Variants in PDE4D observed in about 807,000 individuals in gnomAD.
PDE4D encodes 3',5'-cyclic-AMP phosphodiesterase 4D.
PDE4D carries 24 observed loss-of-function variants against 87.4 expected under a neutral mutation model. The ratio of observed to expected loss-of-function variants is 0.27; its 90% CI spans 0.20 to 0.39. The LOEUF (loss-of-function observed/expected upper bound fraction) is 0.39, where lower values mean the gene tolerates loss of function less well. Ranked by LOEUF, PDE4D falls within the 10% of genes least tolerant of loss-of-function variation. The probability of loss-of-function intolerance (pLI) is 1.00; values close to 1 mark genes in which losing one functional copy is unlikely to be tolerated. For missense variants in PDE4D, 714 were observed against 1,041.0 expected (o/e 0.69, Z 4.32); for synonymous variants, 384 against 383.2 (o/e 1.00, Z -0.02).
intron 1 of PDE4D, among the ~76,000 whole-genome samples, chr5:59,794,679 A>C (rs1235159886): frequency 6.6e-6 from 1 of 152,204 alleles, no homozygotes; most frequent in African/African-American, 2.4e-5. Flanking sequence ...TCAAGTGAAA[A>C]TATAATAAAA....
intron 1 of PDE4D, among the ~76,000 whole-genome samples, chr5:59,740,680 C>T (rs1433583077): frequency 1.3e-5 from 2 of 152,126 alleles, no homozygotes; most frequent in Admixed American, 6.5e-5. Context: ...GATAATGATG[C>T]TTCAGCAATC....
chr5:60,211,494 T>C (rs145951488), intron 1 of PDE4D, among the ~76,000 whole-genome samples: 2,130 of 149,270 alleles, frequency 0.014, 66 homozygotes, highest in African/African-American at 0.049. Context: ...TATACAAATA[T>C]ATATATAGAT....
At chr5:59,531,648 C>T (rs11949561) in intron 1 of PDE4D, among the ~76,000 whole-genome samples, 28,817 of 152,092 alleles carry the variant, frequency 0.19, 3,364 homozygotes, top group Non-Finnish European at 0.26. Flanking sequence ...CATTCCTTGG[C>T]TCCAGGCCCC....
At chr5:59,784,252 T>TTA (rs369701589) in intron 1 of PDE4D, among the ~76,000 whole-genome samples, 34 of 142,426 alleles carry the variant, frequency 2.4e-4, no homozygotes, top group South Asian at 8.9e-4. Flanking sequence ...TTTTTTTTTT[T>TTA]AAAAAAAAAA....
intron 2 of PDE4D, among the ~76,000 whole-genome samples, chr5:60,093,985 T>C (rs1241778410): frequency 6.6e-6 from 1 of 152,214 alleles, no homozygotes; most frequent in Non-Finnish European, 1.5e-5. Context: ...TAAACTTTCT[T>C]CAGTGATCAC....
intron 1 of PDE4D, among the ~76,000 whole-genome samples, chr5:60,352,032 T>C (rs1453201236): frequency 6.6e-6 from 1 of 151,184 alleles, no homozygotes; most frequent in Non-Finnish European, 1.5e-5. Context: ...TTCAAACTCC[T>C]GGCCTCAAGT....
At chr5:60,442,085 A>G (rs1223337832) in intron 1 of PDE4D, among the ~76,000 whole-genome samples, 1 of 152,216 alleles carries the variant, frequency 6.6e-6, no homozygotes, top group African/African-American at 2.4e-5. Context: ...CATTCCTATT[A>G]CTGGGTATAT....
chr5:59,355,961 C>T (rs1781312226), intron 1 of PDE4D, among the ~76,000 whole-genome samples: 1 of 152,060 alleles, frequency 6.6e-6, no homozygotes, highest in South Asian at 2.1e-4. Flanking sequence ...GACCTTATAT[C>T]CAAAATTTTG....
chr5:59,328,214 G>A (rs575990485), intron 1 of PDE4D, among the ~76,000 whole-genome samples: 1 of 152,308 alleles, frequency 6.6e-6, no homozygotes, highest in East Asian at 1.9e-4. Context: ...GTCTGACACT[G>A]CCATTTACTA....
chr5:59,295,496 G>C (rs1768886791), intron 1 of PDE4D, among the ~76,000 whole-genome samples: 1 of 152,060 alleles, frequency 6.6e-6, no homozygotes, highest in Non-Finnish European at 1.5e-5. Context: ...AGGTTATCCA[G>C]GTAGCTCTTC....
intron 3 of PDE4D, among the ~76,000 whole-genome samples, chr5:59,933,607 T>C (rs1024778153): frequency 4.6e-5 from 7 of 152,170 alleles, no homozygotes; most frequent in African/African-American, 1.7e-4. Context: ...ATTTGATAGG[T>C]CAGGAAACAG....
intron 1 of PDE4D, among the ~76,000 whole-genome samples, chr5:59,711,408 T>A (rs560846819): frequency 3.9e-5 from 6 of 152,150 alleles, no homozygotes; most frequent in African/African-American, 7.2e-5. Context: ...TTAAAAAAAA[T>A]AATATATCCA....
intron 1 of PDE4D, among the ~76,000 whole-genome samples, chr5:60,438,541 C>T (rs789395): frequency 0.41 from 62,920 of 151,830 alleles, 14,288 homozygotes; most frequent in East Asian, 0.59. Context: ...CTGGCATATA[C>T]ATGCTTCAAT....
intron 1 of PDE4D, among the ~76,000 whole-genome samples, chr5:59,401,399 C>G (rs967571261): frequency 6.6e-6 from 1 of 152,212 alleles, no homozygotes; most frequent in African/African-American, 2.4e-5. Context: ...CACTGCACTC[C>G]AGCCTGGGCA....
At chr5:59,893,995 G>A (rs972029610), upstream of PDE4D, among the ~76,000 whole-genome samples, 2 of 152,072 alleles carry the variant, frequency 1.3e-5, no homozygotes, top group Non-Finnish European at 2.9e-5. Context: ...TCAGCAACTC[G>A]GGCTGCAGAA....
chr5:59,968,807 T>C (rs968376128), intron 3 of PDE4D, among the ~76,000 whole-genome samples: 1 of 152,126 alleles, frequency 6.6e-6, no homozygotes, highest in Non-Finnish European at 1.5e-5. Flanking sequence ...AATAAGATAA[T>C]AATGGTACCT....
chr5:59,536,397 C>T (rs1404213457), intron 1 of PDE4D, among the ~76,000 whole-genome samples: 2 of 148,650 alleles, frequency 1.3e-5, no homozygotes, highest in East Asian at 2.2e-4. Context: ...CCCAGCTACT[C>T]GGGAGGCTGA....
intron 1 of PDE4D, among the ~76,000 whole-genome samples, chr5:60,245,710 T>C (rs931572502): frequency 2.6e-5 from 4 of 151,936 alleles, no homozygotes; most frequent in Non-Finnish European, 5.9e-5. Flanking sequence ...CACTTATTTG[T>C]GGGAGCTAAA....
At chr5:59,409,179 C>G (rs1226365130) in intron 1 of PDE4D, among the ~76,000 whole-genome samples, 1 of 151,914 alleles carries the variant, frequency 6.6e-6, no homozygotes, top group African/African-American at 2.4e-5. Flanking sequence ...GAATGTTTAC[C>G]CAATGCCTGT....
Sources: gnomAD v4.1 joint callset for allele counts (sites outside exome capture counted in the v4.1 genomes callset) on GRCh38, gnomAD v4.1.1 for gene constraint, MANE v1.5 for transcripts, NCBI Gene and HGNC (gene_info 2026-07-23, HGNC 2026-07-21) for gene names.